Variants in SNAP91 observed in about 807,000 individuals in gnomAD.
The protein encoded by SNAP91 is clathrin coat assembly protein AP180.
A neutral mutation model predicts 100.3 loss-of-function variants in SNAP91; 27 were observed. The ratio of observed to expected loss-of-function variants is 0.27; its 90% CI spans 0.20 to 0.37. SNAP91 has a LOEUF of 0.37. Ranked by LOEUF, SNAP91 falls within the 10% of genes least tolerant of loss-of-function variation. The pLI is 1.00. For synonymous variants in SNAP91, 404 were observed against 398.6 expected, an observed-to-expected ratio of 1.01 and a Z score of -0.16; for missense variants, 986 against 1,123.7, an observed-to-expected ratio of 0.88 and a Z score of 1.75.
At chr6:83,602,295 A>G (rs890566296) in intron 14 of SNAP91, among the ~76,000 whole-genome samples, 6 of 152,000 alleles carry the variant, frequency 3.9e-5, no homozygotes, top group Non-Finnish European at 8.8e-5. Context: ...CACCAACAGG[A>G]AAAAAAATGC....
chr6:83,633,442 A>G (rs1270463023), intron 8 of SNAP91, among the ~76,000 whole-genome samples: 1 of 152,132 alleles, frequency 6.6e-6, no homozygotes, highest in Non-Finnish European at 1.5e-5. Context: ...AGAACTCCCA[A>G]GAGTATATGC....
At position 83,626,851 on chromosome 6, in the gene SNAP91, T is replaced by C. The variant is rs2096952269; in HGVS notation, c.766-3509A>G. ...TCTTTTCCTATTTGGATTCCTTTTC[T>C]TTCTCTATCCTGACTGCTCTGTAGG... On this transcript the variant is annotated intron_variant, in intron 8 of 29. Transcript: ENST00000369694. Among the ~76,000 whole-genome samples, 6 of 152,188 alleles carry C rather than the reference T, an allele frequency of 3.9e-5. No homozygotes were observed. The South Asian group carries it at 1.2e-3, about 32-fold the overall frequency.
At chr6:83,632,093 T>C (rs980945048) in intron 8 of SNAP91, among the ~76,000 whole-genome samples, 4 of 152,132 alleles carry the variant, frequency 2.6e-5, no homozygotes, top group African/African-American at 9.7e-5. Context: ...ACTGTATCTT[T>C]CCTTTATATA....
At chr6:83,671,336 G>GT (rs1181689911) in intron 2 of SNAP91, among the ~76,000 whole-genome samples, 1 of 151,948 alleles carries the variant, frequency 6.6e-6, no homozygotes, top group Non-Finnish European at 1.5e-5. Flanking sequence ...AATGATTTCT[G>GT]TATCTTGATC....
chr6:83,616,999 T>C lies in SNAP91; in HGVS notation c.848A>G (p.Asn283Ser), dbSNP rs1584040045. 6 of 1,548,530 alleles carry C rather than the reference T, an allele frequency of 3.9e-6. No individual in the cohort carries two copies. The highest frequency in any genetic ancestry group is 4.4e-6 in the Non-Finnish European group (5 of 1,145,220). ...SLMETLEQHL[N>S]TLEGKKPGNN... is the part of the protein sequence containing the mutation. ...TCCAGGTTTCTTTCCTTCTAATGTATTTAGATGCTGTTCAAGCGTCTCCAT... is the reference window on the plus strand; with the variant it reads ...TCCAGGTTTCTTTCCTTCTAATGTACTTAGATGCTGTTCAAGCGTCTCCAT... Residue 283 changes from asparagine (N) to serine (S), a missense_variant, in exon 10 of 30, where the codon AAT becomes AGT. Physicochemically the swap from Asn to Ser is conservative, Grantham distance 46 (BLOSUM62 1). This residue lies in a region of SNAP91 where 330 missense variants were observed against 447.5 expected (regional missense o/e 0.74). Transcript: ENST00000369694.
chr6:83,645,159 A>T (rs1467081422), intron 7 of SNAP91, among the ~76,000 whole-genome samples: 2 of 152,170 alleles, frequency 1.3e-5, no homozygotes, highest in Non-Finnish European at 2.9e-5. Flanking sequence ...AAAGTCCTTG[A>T]ACACTGCTTA....
intron 26 of SNAP91, among the ~76,000 whole-genome samples, chr6:83,574,308 C>T (rs1294154927): frequency 2.6e-5 from 4 of 152,128 alleles, no homozygotes; most frequent in Non-Finnish European, 4.4e-5. Flanking sequence ...CTTTTTGTGT[C>T]AGCAAATTTC....
chr6:83,646,629 G>A (rs1327826853), intron 7 of SNAP91, among the ~76,000 whole-genome samples: 2 of 152,112 alleles, frequency 1.3e-5, no homozygotes, highest in African/African-American at 4.8e-5. Context: ...TTTAAAGTGG[G>A]ATAGGTCAGT....
intron 2 of SNAP91, among the ~76,000 whole-genome samples, chr6:83,673,752 T>A (rs529522512): frequency 6.6e-6 from 1 of 152,302 alleles, no homozygotes; most frequent in Admixed American, 6.5e-5. Flanking sequence ...GCCAGCAGAA[T>A]CCTGCCCCCA....
At chr6:83,708,001 C>T in intron 1 of SNAP91, 44 bp from the exon 2 acceptor site, 1 of 1,467,642 alleles carries the variant, frequency 6.8e-7, no homozygotes, top group Non-Finnish European at 8.9e-7. Context: ...ATCCGCAGAC[C>T]CTACCCTCCA....
intron 7 of SNAP91, among the ~76,000 whole-genome samples, chr6:83,651,242 A>C (rs908874394): frequency 6.6e-6 from 1 of 151,740 alleles, no homozygotes; most frequent in Non-Finnish European, 1.5e-5. Context: ...CCTGTTTTCA[A>C]TTTCATTGAT....
At chr6:83,623,762 A>T (rs1296804275) in intron 8 of SNAP91, among the ~76,000 whole-genome samples, 1 of 152,062 alleles carries the variant, frequency 6.6e-6, no homozygotes, top group Non-Finnish European at 1.5e-5. Context: ...TCTCCCACAG[A>T]CCTAACTTTG....
chr6:83,674,479 T>C (rs1035608782), intron 2 of SNAP91, among the ~76,000 whole-genome samples: 2 of 152,076 alleles, frequency 1.3e-5, no homozygotes, highest in African/African-American at 4.8e-5. Flanking sequence ...TTGTCCTTAG[T>C]TGGGGTATTC....
chr6:83,643,157 G>A (rs1442919439), intron 7 of SNAP91, among the ~76,000 whole-genome samples: 2 of 152,098 alleles, frequency 1.3e-5, no homozygotes, highest in Admixed American at 1.3e-4. Flanking sequence ...CACTCTGATG[G>A]TAGTTTCTTT....
intron 7 of SNAP91, among the ~76,000 whole-genome samples, chr6:83,652,599 C>T (rs2098254495): frequency 6.6e-6 from 1 of 152,058 alleles, no homozygotes; most frequent in African/African-American, 2.4e-5. Context: ...TTATTGCTAT[C>T]ATTATTTTGA....
At chr6:83,694,740 T>A (rs1358885252) in intron 2 of SNAP91, among the ~76,000 whole-genome samples, 1 of 152,100 alleles carries the variant, frequency 6.6e-6, no homozygotes, top group Non-Finnish European at 1.5e-5. Flanking sequence ...GGAGGAAGAA[T>A]CCTGAACAAG....
intron 2 of SNAP91, among the ~76,000 whole-genome samples, chr6:83,704,473 T>C (rs1184459067): frequency 6.6e-6 from 1 of 152,156 alleles, no homozygotes; most frequent in East Asian, 1.9e-4. Flanking sequence ...ATCTCGACCT[T>C]TTCACCAGAT....
rs150923089 is a variant in SNAP91, at chr6:83,572,787, G to A, written c.2442+2223C>T. ...TCTAATTCTGCACAGAAGGGAATAGGAAAATTAATTCCTTTACTTTGATAA... is the reference window on the plus strand; with the variant it reads ...TCTAATTCTGCACAGAAGGGAATAGAAAAATTAATTCCTTTACTTTGATAA... On this transcript the variant is annotated intron_variant, in intron 26 of 29. Coordinates refer to ENST00000369694, the MANE Select transcript of SNAP91 (RefSeq NM_001242792.2). 1.4e-4 allele frequency among the ~76,000 whole-genome samples: 21 copies of A among 152,222 alleles called. No homozygotes were observed. The East Asian group carries it at 3.1e-3, about 22-fold the overall frequency.
In SNAP91 at chr6:83,708,025, T is replaced by TG. The variant is rs1026302546; in HGVS notation, c.-30-69dup. ...CCCTACCCTCCAAGCACCCAGGCCT[T>TG]GCCTCCTCCAGCCGCGCGGCGGCTC... On this transcript the variant is annotated intron_variant, in intron 1 of 29. Transcript: ENST00000369694. 3.6e-6 allele frequency: 5 copies of TG among 1,369,904 alleles called. No homozygotes were observed. In the African/African-American group the frequency reaches 7.5e-5, roughly 21 times the overall value. The allele number at this position is 1,369,904 out of a possible 1,614,324, so 84.9% of individuals were successfully genotyped here. A position where few individuals can be genotyped will look rare whatever the true frequency, so the allele number is the denominator to read the frequency against.
Sources: gnomAD v4.1 joint callset for allele counts (sites outside exome capture counted in the v4.1 genomes callset) on GRCh38, gnomAD v4.1.1 for gene constraint, gnomAD v4.1.1 regional missense constraint, MANE v1.5 for transcripts, NCBI Gene and HGNC (gene_info 2026-07-23, HGNC 2026-07-21) for gene names.